The following TMEM184A variants were observed in gnomAD, a reference collection of about 807,000 sequenced individuals.
TMEM184A encodes the protein transmembrane protein 184A.
In TMEM184A, 40 loss-of-function variants were observed where a neutral mutation model predicts 39.5. The ratio of observed to expected loss-of-function variants is 1.01; its 90% CI spans 0.79 to 1.32. TMEM184A has a LOEUF of 1.32. Among genes scored for constraint, TMEM184A ranks in the 40% most tolerant of loss-of-function variants. The probability of loss-of-function intolerance (pLI) is 0.00; values close to 1 mark genes in which losing one functional copy is unlikely to be tolerated. For missense variants in TMEM184A, 603 were observed against 568.8 expected, an observed-to-expected ratio of 1.06 and a Z score of -0.61; for synonymous variants, 280 against 252.3, an observed-to-expected ratio of 1.11 and a Z score of -1.04.
Position 1,545,331 on chromosome 7 carries a change from C to G in TMEM184A, c.*1621G>C, listed in dbSNP as rs1181529758. 6.5e-6 allele frequency: 1 copy of G among 152,782 alleles called. No individual in the cohort carries two copies. The highest frequency in any genetic ancestry group is 2.4e-5 in the African/African-American group (1 of 41,452). 9.5% of individuals were successfully genotyped at this position (152,782 alleles called of 1,614,324 possible). ...CTGCAGACCCACTGGCCTTGGATCC[C>G]CATGTCCTCAGCCCAGGAAGCAAGA... On this transcript the variant is annotated 3_prime_UTR_variant, in exon 9 of 9. Coordinates refer to ENST00000297477, the MANE Select transcript of TMEM184A (RefSeq NM_001097620.2).
At chr7:1,550,226 G>T (rs761110878) in intron 4 of TMEM184A, 28 bp from the exon 5 acceptor site, 1 of 1,605,188 alleles carries the variant, frequency 6.2e-7, no homozygotes, top group South Asian at 1.1e-5. Context: ...GAGCCGGTGC[G>T]GGAGAATGCA....
At position 1,548,683 on chromosome 7, in the gene TMEM184A, C is replaced by A. The variant is rs201155082; in HGVS notation, c.650G>T (p.Arg217Leu). The change falls in exon 7 of 9, where the codon CGC (arginine) becomes CTC (leucine). Residue 217 changes from arginine (R) to leucine (L), a missense_variant. By Grantham distance (102) the Arg-to-Leu change is moderately radical (BLOSUM62 -2). Transcript: ENST00000297477. ...GAGGGTCACATAGAGGTAGCCGCTGCGGACACTAGGACAGACGGGGGCTGT... is the reference window on the plus strand; with the variant it reads ...GAGGGTCACATAGAGGTAGCCGCTGAGGACACTAGGACAGACGGGGGCTGT... ...GKYHDGDFNV[R>L]SGYLYVTLIY... is the part of the protein sequence containing the mutation. The A allele has an allele frequency of 6.2e-7, 1 of 1,613,382 alleles. No individual in the cohort carries two copies. Among genetic ancestry groups the A allele is most frequent in the South Asian group, 1.1e-5 (1 of 91,074 alleles).
In TMEM184A at chr7:1,550,156, G is replaced by T. The variant is rs374918017; in HGVS notation, c.519C>A (p.Thr173=). The change falls in exon 5 of 9, where the codon ACC becomes ACA. Residue 173 remains threonine (T), a synonymous_variant. Coordinates refer to ENST00000297477, the MANE Select transcript of TMEM184A (RefSeq NM_001097620.2). ...AGAAGCGCAGGAACCCGATGGAGTAGGTCATGCCCCGGAGGCAGCAGGTGC... is the reference window on the plus strand; with the variant it reads ...AGAAGCGCAGGAACCCGATGGAGTATGTCATGCCCCGGAGGCAGCAGGTGC... The part of the protein sequence containing the change: ...LYGTCCLRGM[T]YSIGFLRFCK... The T allele has an allele frequency of 2.8e-5, 45 of 1,608,032 alleles. No homozygotes were observed. Among genetic ancestry groups the T allele is most frequent in the Non-Finnish European group, 3.8e-5 (45 of 1,178,042 alleles).
chr7:1,547,525 G>A (rs530310496), intron 8 of TMEM184A, among the ~76,000 whole-genome samples: 2 of 152,174 alleles, frequency 1.3e-5, no homozygotes, highest in Non-Finnish European at 2.9e-5. Context: ...AATAGGGGGT[G>A]TGCCTGGCAG....
Position 1,555,551 on chromosome 7 carries a change from AAGC to A in TMEM184A, c.1-70_1-68del. 1.6e-6 allele frequency: 2 copies of A among 1,256,310 alleles called. No individual in the cohort carries two copies. Among genetic ancestry groups the A allele is most frequent in the South Asian group, 2.4e-5 (2 of 83,954 alleles). The allele number at this position is 1,256,310 out of a possible 1,614,324, so 77.8% of individuals were successfully genotyped here. A position where few individuals can be genotyped will look rare whatever the true frequency, so the allele number is the denominator to read the frequency against. On this transcript the variant is annotated intron_variant, in intron 1 of 8. Coordinates refer to ENST00000297477, the MANE Select transcript of TMEM184A (RefSeq NM_001097620.2). This position sits in a 1 kb window ranked among gnomAD's most constrained non-coding sequence, Gnocchi z 5.2. Reference sequence around the variant, plus strand: ...AAAGGTACTGGCTCCCGGCAGCAGGAAGCAGCGGGGGAGGGAGGAGACAGTGAG... The same window carrying A: ...AAAGGTACTGGCTCCCGGCAGCAGGAAGCGGGGGAGGGAGGAGACAGTGAG...
At chr7:1,550,585 T>C (rs1428591012) in intron 3 of TMEM184A, among the ~76,000 whole-genome samples, 190 bp from the exon 4 acceptor site, 2 of 152,110 alleles carry the variant, frequency 1.3e-5, no homozygotes, top group Non-Finnish European at 2.9e-5. Flanking sequence ...ATCAGGGCCC[T>C]GCTTTCACCC....
Position 1,555,095 on chromosome 7 carries a change from C to G in TMEM184A, c.219+171G>C, listed in dbSNP as rs551343736. Among the ~76,000 whole-genome samples the G allele has an allele frequency of 9.0e-4, 137 of 152,272 alleles. 1 individual carries two copies. Among genetic ancestry groups the G allele is most frequent in the Middle Eastern group, 3.4e-3 (1 of 294 alleles). The stretch of plus-strand genomic sequence containing the variant: ...GGCAGAGATCTCCCCATTTTCAGGC[C>G]CAGCTCCCACATGCCACATCCTGGG... On this transcript the variant is annotated intron_variant, in intron 2 of 8. Transcript: ENST00000297477. This position sits in a 1 kb window ranked among gnomAD's most constrained non-coding sequence, Gnocchi z 5.2.
intron 6 of TMEM184A, 62 bp from the exon 7 acceptor site, chr7:1,548,750 G>C (rs1054101975): frequency 2.9e-5 from 45 of 1,577,764 alleles, no homozygotes; most frequent in Non-Finnish European, 3.6e-5. Context: ...CCCCACCCTA[G>C]AGCCACCGCC....
chr7:1,548,006 A>AC, intron 7 of TMEM184A, 67 bp from the exon 8 acceptor site: 2 of 1,500,154 alleles, frequency 1.3e-6, no homozygotes, highest in Admixed American at 4.0e-5. Flanking sequence ...GAGGCCCCAG[A>AC]CCCCGCAGCG....
intron 2 of TMEM184A, among the ~76,000 whole-genome samples, chr7:1,553,191 T>C (rs1452144707): frequency 6.6e-6 from 1 of 152,124 alleles, no homozygotes; most frequent in Non-Finnish European, 1.5e-5. Flanking sequence ...CTTGCTCTGT[T>C]GCCCAGGCTG....
intron 2 of TMEM184A, among the ~76,000 whole-genome samples, chr7:1,553,714 C>A (rs1218068560): frequency 6.6e-6 from 1 of 152,138 alleles, no homozygotes; most frequent in Non-Finnish European, 1.5e-5. Context: ...GCATGACCAG[C>A]CATCAGGAGA....
In TMEM184A at chr7:1,555,524, G is replaced by T. The variant is rs763791717; in HGVS notation, c.1-40C>A. ...AGGACACACACCGGGAGGAGTGAGG[G>T]CAAAGGTACTGGCTCCCGGCAGCAG... On this transcript the variant is annotated intron_variant, in intron 1 of 8. Coordinates refer to ENST00000297477, the MANE Select transcript of TMEM184A (RefSeq NM_001097620.2). This position sits in a 1 kb window ranked among gnomAD's most constrained non-coding sequence, Gnocchi z 5.2. 1 of 1,525,044 alleles carries T rather than the reference G, an allele frequency of 6.6e-7. No individual in the cohort carries two copies. The highest frequency in any genetic ancestry group is 9.0e-7 in the Non-Finnish European group (1 of 1,113,346). 94.5% of individuals were successfully genotyped at this position (1,525,044 alleles called of 1,614,324 possible).
chr7:1,552,452 A>G lies in TMEM184A; in HGVS notation c.220-1470T>C, dbSNP rs557409070. ...GACATGTAAAATGTACTCTCTTGGC[A>G]ATTTTCAAGCATAGAATACATTGTT... is the stretch of plus-strand genomic sequence containing the variant. On this transcript the variant is annotated intron_variant, in intron 2 of 8. Transcript: ENST00000297477. Among the ~76,000 whole-genome samples the G allele has an allele frequency of 2.6e-5, 4 of 151,746 alleles. No homozygotes were observed. In the South Asian group the frequency reaches 6.3e-4, roughly 24 times the overall value.
At chr7:1,549,703 C>A (rs1481799353) in intron 6 of TMEM184A, 151 bp downstream of exon 6, 1 of 763,618 alleles carries the variant, frequency 1.3e-6, no homozygotes, top group South Asian at 1.5e-5. Context: ...CCCCAGGGGA[C>A]CCAGTGCCCA....
rs776648597 is a variant in TMEM184A at position 1,547,790 on chromosome 7, A to C, written c.964T>G (p.Tyr322Asp). Reference protein sequence around the residue: ...EMLFASVALRYAFPCQVYAEK... With the variant: ...EMLFASVALRDAFPCQVYAEK... ...GCGTACACCTGGCAGGGGAAGGCATAACGCAGGGCCACGGAGGCGAACAGC... is the reference window on the plus strand; with the variant it reads ...GCGTACACCTGGCAGGGGAAGGCATCACGCAGGGCCACGGAGGCGAACAGC... Residue 322 changes from tyrosine (Y) to aspartate (D), a missense_variant, in exon 8 of 9, where the codon TAT becomes GAT. By Grantham distance (160) the Tyr-to-Asp change is radical (BLOSUM62 -3). Coordinates refer to ENST00000297477, the MANE Select transcript of TMEM184A (RefSeq NM_001097620.2). 1.2e-6 allele frequency: 2 copies of C among 1,613,034 alleles called. No homozygotes were observed. Among genetic ancestry groups the C allele is most frequent in the Admixed American group, 3.3e-5 (2 of 60,018 alleles).
rs1327823605 is a variant in TMEM184A at position 1,555,066 on chromosome 7, G to T, written c.219+200C>A. On this transcript the variant is annotated intron_variant, in intron 2 of 8. Coordinates refer to ENST00000297477, the MANE Select transcript of TMEM184A (RefSeq NM_001097620.2). This position sits in a 1 kb window ranked among gnomAD's most constrained non-coding sequence, Gnocchi z 5.2. ...GTGCCCGGTGGGCGCTCTGCCCTCA[G>T]CCTGGCAGAGATCTCCCCATTTTCA... Among the ~76,000 whole-genome samples, 3 of 151,870 alleles carry T rather than the reference G, an allele frequency of 2.0e-5. No homozygotes were observed. Among genetic ancestry groups the T allele is most frequent in the African/African-American group, 7.3e-5 (3 of 41,326 alleles).
At chr7:1,548,236 C>G (rs1562555961) in intron 7 of TMEM184A, among the ~76,000 whole-genome samples, 2 of 150,558 alleles carry the variant, frequency 1.3e-5, no homozygotes, top group Non-Finnish European at 3.0e-5. Flanking sequence ...AGTGCCCTGG[C>G]CTGGCCCAGG....
rs1550008 is a variant in TMEM184A, at chr7:1,544,845, T to C, written c.*2107A>G. On this transcript the variant is annotated 3_prime_UTR_variant, in exon 9 of 9. Coordinates refer to ENST00000297477, the MANE Select transcript of TMEM184A (RefSeq NM_001097620.2). ...GTCGCTGTCCCAGCTGGCTTGAGCGTTGAGCATGTCAGTTTCCTGGCACAG... is the reference window on the plus strand; with the variant it reads ...GTCGCTGTCCCAGCTGGCTTGAGCGCTGAGCATGTCAGTTTCCTGGCACAG... The C allele has an allele frequency of 0.65, 98,616 of 152,168 alleles. 32,591 individuals are homozygous for C. The highest frequency in any genetic ancestry group is 0.77 in the African/African-American group (32,136 of 41,510). 9.4% of individuals were successfully genotyped at this position (152,168 alleles called of 1,614,324 possible).
chr7:1,547,156 G>A lies in TMEM184A; in HGVS notation c.1038C>T (p.Ile346=), dbSNP rs1404591250. 4 of 1,607,126 alleles carry A rather than the reference G, an allele frequency of 2.5e-6. No homozygotes were observed. The Admixed American group carries it at 6.7e-5, about 27-fold the overall frequency. The change falls in exon 9 of 9, where the codon ATC becomes ATT. Residue 346 remains isoleucine (I), a synonymous_variant. Transcript: ENST00000297477. Reference sequence around the variant, plus strand: ...TCACTGTCTCCCTGATGCCGCTGGAGATGCTCTGCATGGGTGCCGGGGGGG... The same window carrying A: ...TCACTGTCTCCCTGATGCCGCTGGAAATGCTCTGCATGGGTGCCGGGGGGG... ...SPAPPAPMQS[I]SSGIRETVSP... is the part of the protein sequence containing the mutation.
Sources: allele counts gnomAD v4.1 joint callset (sites outside exome capture counted in the v4.1 genomes callset), GRCh38; gene constraint gnomAD v4.1.1; non-coding constraint Gnocchi (gnomAD v3.1); transcripts MANE v1.5; gene names NCBI Gene and HGNC (gene_info 2026-07-23, HGNC 2026-07-21).